TDRD3: variants seen among roughly 807,000 people sequenced by gnomAD.
TDRD3 encodes tudor domain containing 3, also known as tudor domain-containing protein 3.
A neutral mutation model predicts 86.7 loss-of-function variants in TDRD3; 45 were observed. That is an observed-to-expected ratio of 0.52 (90% confidence interval 0.41 to 0.67). The LOEUF is 0.67. Among genes scored for constraint, TDRD3 ranks in the 30% least tolerant of loss-of-function variants. TDRD3 has a pLI of 0.00. For missense variants in TDRD3, 814 were observed against 889.0 expected, an observed-to-expected ratio of 0.92 and a Z score of 1.07; for synonymous variants, 298 against 301.7, an observed-to-expected ratio of 0.99 and a Z score of 0.13.
upstream of TDRD3, among the ~76,000 whole-genome samples, chr13:60,396,262 T>C (rs1953899760): frequency 2.6e-5 from 4 of 152,178 alleles, no homozygotes; most frequent in African/African-American, 9.7e-5. Context: ...CTTAGAAGCC[T>C]TTTTCCCCGC....
intron 10 of TDRD3, among the ~76,000 whole-genome samples, chr13:60,516,079 A>G (rs930521640): frequency 2.6e-5 from 4 of 152,180 alleles, no homozygotes; most frequent in African/African-American, 9.6e-5. Flanking sequence ...CAAAGAAGTA[A>G]TTGTGATTCA....
chr13:60,409,836 A>T (rs1954316113), intron 1 of TDRD3, among the ~76,000 whole-genome samples: 1 of 152,142 alleles, frequency 6.6e-6, no homozygotes, highest in Non-Finnish European at 1.5e-5. Flanking sequence ...GGAAGGCATG[A>T]TTGGTTTTGA....
chr13:60,495,116 T>C (rs1956685409), intron 8 of TDRD3, among the ~76,000 whole-genome samples: 1 of 152,222 alleles, frequency 6.6e-6, no homozygotes, highest in Non-Finnish European at 1.5e-5. Context: ...TGAATGACTT[T>C]GGTTGATTTT....
At chr13:60,492,223 A>G (rs1040213006) in intron 7 of TDRD3, among the ~76,000 whole-genome samples, 2 of 152,236 alleles carry the variant, frequency 1.3e-5, no homozygotes, top group African/African-American at 4.8e-5. Context: ...ACTGGCACCA[A>G]AGGAAAAAAC....
intron 5 of TDRD3, among the ~76,000 whole-genome samples, chr13:60,482,892 T>C (rs1181067345): frequency 6.6e-6 from 1 of 151,982 alleles, no homozygotes; most frequent in South Asian, 2.1e-4. Flanking sequence ...TAATGGTTTC[T>C]GTAGTGATAA....
intron 11 of TDRD3, 102 bp downstream of exon 11, chr13:60,529,319 C>A: frequency 2.4e-6 from 3 of 1,263,220 alleles, no homozygotes; most frequent in Non-Finnish European, 3.2e-6. Flanking sequence ...TCTTTTTCTA[C>A]TATTGTACCT....
intron 1 of TDRD3, among the ~76,000 whole-genome samples, chr13:60,399,706 A>C (rs1245863206): frequency 6.6e-6 from 1 of 152,246 alleles, no homozygotes; most frequent in Non-Finnish European, 1.5e-5. Context: ...TTAGTATTCA[A>C]ATCTATGTAC....
intron 13 of TDRD3, among the ~76,000 whole-genome samples, chr13:60,568,932 A>G (rs774160452): frequency 9.9e-5 from 15 of 152,106 alleles, no homozygotes; most frequent in South Asian, 2.1e-4. Context: ...AAATGCTACT[A>G]TTTCTATATG....
intron 10 of TDRD3, among the ~76,000 whole-genome samples, chr13:60,513,677 A>G (rs1957107109): frequency 6.6e-6 from 1 of 152,124 alleles, no homozygotes; most frequent in Non-Finnish European, 1.5e-5. Context: ...TGATAGTGTA[A>G]GTCTCATGAG....
At chr13:60,424,752 A>T (rs1375007782) in intron 1 of TDRD3, among the ~76,000 whole-genome samples, 1 of 152,306 alleles carries the variant, frequency 6.6e-6, no homozygotes, top group East Asian at 1.9e-4. Flanking sequence ...CATCACTACT[A>T]TCTAATTCAA....
At position 60,508,096 on chromosome 13, in the gene TDRD3, C is replaced by G. The variant is rs1409813843; in HGVS notation, c.859-1667C>G. ...GGACCTCTTCAAGGAGAACTAGAAA[C>G]CATTGCTCAAGGAAATAAGAGAGGA... On this transcript the variant is annotated intron_variant, in intron 8 of 13. Transcript: ENST00000377881. 1.3e-5 allele frequency among the ~76,000 whole-genome samples: 2 copies of G among 152,044 alleles called. 1 individual carries two copies. Among genetic ancestry groups the G allele is most frequent in the Admixed American group, 1.3e-4 (2 of 15,262 alleles).
At chr13:60,413,044 A>G (rs1204837848) in intron 1 of TDRD3, among the ~76,000 whole-genome samples, 1 of 141,572 alleles carries the variant, frequency 7.1e-6, no homozygotes, top group African/African-American at 2.6e-5. Context: ...TGTACTCCCA[A>G]TTTTTTTTTT....
At position 60,522,323 on chromosome 13, in the gene TDRD3, C is replaced by T. The variant is rs886164622; in HGVS notation, c.1142-6044C>T. Among the ~76,000 whole-genome samples, 14 of 151,972 alleles carry T rather than the reference C, an allele frequency of 9.2e-5. 1 individual carries two copies. The highest frequency in any genetic ancestry group is 8.5e-4 in the Admixed American group (13 of 15,234). ...AGAAAACTAAAGCAAGATAAAGATC[C>T]GAACTAAAAATAGGAGTTGGTGGTA... On this transcript the variant is annotated intron_variant, in intron 10 of 13. Coordinates refer to ENST00000377881, the MANE Select transcript of TDRD3 (RefSeq NM_001146070.2).
chr13:60,538,212 G>C (rs1306965734), intron 12 of TDRD3: 1 of 151,772 alleles, frequency 6.6e-6, no homozygotes, highest in African/African-American at 2.4e-5. Context: ...ACATACTCAG[G>C]GAGTATATTT....
intron 5 of TDRD3, among the ~76,000 whole-genome samples, chr13:60,471,376 G>A (rs760896764): frequency 3.3e-5 from 5 of 152,106 alleles, no homozygotes; most frequent in African/African-American, 4.8e-5. Flanking sequence ...TAGGTTATCT[G>A]TTCTGTTTCA....
chr13:60,402,635 T>C (rs1297534408), intron 1 of TDRD3, among the ~76,000 whole-genome samples: 1 of 151,898 alleles, frequency 6.6e-6, no homozygotes, highest in East Asian at 1.9e-4. Flanking sequence ...TTGGAAAGGA[T>C]TCGAATCATT....
At chr13:60,525,229 A>G (rs1276628824) in intron 10 of TDRD3, among the ~76,000 whole-genome samples, 4 of 114,014 alleles carry the variant, frequency 3.5e-5, no homozygotes, top group Non-Finnish European at 6.5e-5. Context: ...GCTGGAGTTC[A>G]GTGGCACAAT....
At chr13:60,500,321 C>A (rs1956805175) in intron 8 of TDRD3, among the ~76,000 whole-genome samples, 1 of 152,092 alleles carries the variant, frequency 6.6e-6, no homozygotes, top group Non-Finnish European at 1.5e-5. Context: ...TTGAGCAGGT[C>A]CTGAAGGCAC....
At chr13:60,448,349 C>A (rs1221356448) in intron 3 of TDRD3, among the ~76,000 whole-genome samples, 1 of 152,142 alleles carries the variant, frequency 6.6e-6, no homozygotes, top group Non-Finnish European at 1.5e-5. Context: ...ATAATTGCTA[C>A]TATCATTGAT....
Sources: gnomAD v4.1 joint callset for allele counts (sites outside exome capture counted in the v4.1 genomes callset) on GRCh38, gnomAD v4.1.1 for gene constraint, MANE v1.5 for transcripts, NCBI Gene and HGNC (gene_info 2026-07-23, HGNC 2026-07-21) for gene names.